Variants in PDCD6 observed in about 807,000 individuals in gnomAD.
PDCD6 encodes the protein programmed cell death 6.
In PDCD6, 12 loss-of-function variants were observed where a neutral mutation model predicts 28.3. The ratio of observed to expected loss-of-function variants is 0.42; its 90% CI spans 0.27 to 0.69. The LOEUF (loss-of-function observed/expected upper bound fraction) is 0.69. PDCD6 is among the 30% of genes least tolerant of loss of function. PDCD6 has a pLI of 0.22. For missense variants in PDCD6, 226 were observed against 269.9 expected, an observed-to-expected ratio of 0.84 and a Z score of 1.14; for synonymous variants, 92 against 108.0, an observed-to-expected ratio of 0.85 and a Z score of 0.92.
chr5:292,963 C>T (rs1421513148), intron 2 of PDCD6, among the ~76,000 whole-genome samples: 1 of 152,246 alleles, frequency 6.6e-6, no homozygotes, highest in Non-Finnish European at 1.5e-5. Context: ...GGCTCCCACA[C>T]AGCTGGGCGG....
At chr5:297,666 T>A (rs1222045593) in intron 2 of PDCD6, among the ~76,000 whole-genome samples, 3 of 152,132 alleles carry the variant, frequency 2.0e-5, no homozygotes, top group African/African-American at 7.2e-5. Context: ...GCACGAGATC[T>A]TCCCTCTCAG....
rs183444121 is a variant in PDCD6, at chr5:274,747, C to T, written c.163+1975C>T. Among the ~76,000 whole-genome samples the T allele has an allele frequency of 4.5e-4, 69 of 152,320 alleles. No homozygotes were observed. In the East Asian group the frequency reaches 0.012, roughly 26 times the overall value. On this transcript the variant is annotated intron_variant, in intron 2 of 5. Transcript: ENST00000264933. ...GGGGGTGGGGGAGACACCTCCTGCT[C>T]TGACTTGTGTGTTTGGGTTCCTGTA...
Position 271,663 on chromosome 5 carries a change from C to G in PDCD6, c.-58C>G, listed in dbSNP as rs1190770970. The G allele has an allele frequency of 1.0e-6, 1 of 992,612 alleles. No individual in the cohort carries two copies. The highest frequency in any genetic ancestry group is 1.5e-6 in the Non-Finnish European group (1 of 654,118). The allele number at this position is 992,612 out of a possible 1,614,324, so 61.5% of individuals were successfully genotyped here. A position where few individuals can be genotyped will look rare whatever the true frequency, so the allele number is the denominator to read the frequency against. On this transcript the variant is annotated 5_prime_UTR_variant, in exon 1 of 6. Transcript: ENST00000264933. ...CCCCCGGCAGAGGCGGAAGCGGAGT[C>G]GGCCTGAGAGGTCTCTCGTCGCTGC... is the stretch of plus-strand genomic sequence containing the variant.
chr5:276,084 A>T (rs1375263529), intron 2 of PDCD6: 12 of 1,130,498 alleles, frequency 1.1e-5, no homozygotes, highest in Non-Finnish European at 1.4e-5. Flanking sequence ...CAAAAAGTAA[A>T]TGAGTGTAGT....
intron 2 of PDCD6, among the ~76,000 whole-genome samples, chr5:283,503 G>A (rs558501463): frequency 2.4e-4 from 34 of 140,834 alleles, no homozygotes; most frequent in South Asian, 6.7e-4. Flanking sequence ...CTACAGACCC[G>A]TAGAGGAGCT....
intron 2 of PDCD6, among the ~76,000 whole-genome samples, chr5:301,562 A>G (rs1170910716): frequency 1.3e-5 from 2 of 152,266 alleles, no homozygotes; most frequent in African/African-American, 2.4e-5. Context: ...TTATCACTCT[A>G]TTCAGCTTAA....
At chr5:300,316 A>G (rs1195765801) in intron 2 of PDCD6, among the ~76,000 whole-genome samples, 1 of 152,192 alleles carries the variant, frequency 6.6e-6, no homozygotes, top group Non-Finnish European at 1.5e-5. Context: ...GGTCCGCACC[A>G]CGGCACTAGC....
chr5:272,820 C>T (rs1286566016), intron 2 of PDCD6, 48 bp downstream of exon 2: 1 of 1,555,090 alleles, frequency 6.4e-7, no homozygotes, highest in East Asian at 2.2e-5. Context: ...AAGCCGCGAG[C>T]CTGCCCTGTT....
intron 2 of PDCD6, chr5:289,072 C>G (rs1427261603): frequency 4.7e-6 from 6 of 1,285,422 alleles, no homozygotes; most frequent in South Asian, 1.2e-5. Flanking sequence ...TCAAAAGTCT[C>G]TTCATTCACA....
chr5:303,634 C>T (rs1439543247), intron 2 of PDCD6, among the ~76,000 whole-genome samples: 6 of 151,618 alleles, frequency 4.0e-5, no homozygotes, highest in African/African-American at 4.9e-5. Context: ...ATGTCTTCAC[C>T]GTGCTTTAGG....
chr5:306,570 T>C, intron 3 of PDCD6, 32 bp from the exon 4 acceptor site: 4 of 1,607,478 alleles, frequency 2.5e-6, no homozygotes, highest in Non-Finnish European at 3.4e-6. Flanking sequence ...GCAACTGATC[T>C]TTTGCTGCTT....
In PDCD6 at chr5:314,458, CGGCT is replaced by C. The variant is rs1341232158; in HGVS notation, c.522_525del (p.Trp175PhefsTer22). ...TCAGACGTTACGACACGGATCAGGA[CGGCT>C]GGATTCAGGTGTCGTACGAACAGTA... On this transcript the variant is annotated frameshift_variant, in exon 6 of 6. Transcript: ENST00000264933. The C allele has an allele frequency of 1.2e-6, 2 of 1,613,718 alleles. No individual in the cohort carries two copies. Among genetic ancestry groups the C allele is most frequent in the Admixed American group, 3.3e-5 (2 of 60,004 alleles).
chr5:290,017 C>G, intron 2 of PDCD6: 1 of 1,599,400 alleles, frequency 6.3e-7, no homozygotes, highest in Non-Finnish European at 8.6e-7. Context: ...TTCACATAGT[C>G]GCTGAATAGT....
Position 314,608 on chromosome 5 carries a change from T to G in PDCD6, c.*93T>G. On this transcript the variant is annotated 3_prime_UTR_variant, in exon 6 of 6. Transcript: ENST00000264933. The stretch of plus-strand genomic sequence containing the variant: ...GGAATGGAGCACAGGTGCAGTTAGA[T>G]GCTGTTCTTCCTTTAGATTTTGTCA... The G allele has an allele frequency of 1.1e-6, 1 of 886,676 alleles. No homozygotes were observed. The highest frequency in any genetic ancestry group is 2.1e-4 in the Middle Eastern group (1 of 4,674). 54.9% of individuals were successfully genotyped at this position (886,676 alleles called of 1,614,324 possible).
chr5:302,472 G>A (rs1317225056), intron 2 of PDCD6, among the ~76,000 whole-genome samples: 2 of 109,438 alleles, frequency 1.8e-5, no homozygotes, highest in East Asian at 2.3e-4. Flanking sequence ...GCTGGAGGGC[G>A]GGTCATGGAG....
At chr5:282,856 T>A (rs1272633735) in intron 2 of PDCD6, among the ~76,000 whole-genome samples, 1 of 151,950 alleles carries the variant, frequency 6.6e-6, no homozygotes, top group East Asian at 1.9e-4. Context: ...AGAGCTGATC[T>A]TCTAGTTTGA....
At position 306,603 on chromosome 5, in the gene PDCD6, C is replaced by T. The variant is rs538144297; in HGVS notation, c.210C>T (p.Ser70=). Residue 70 remains serine (S), a splice_region_variant and synonymous_variant, in exon 4 of 6, where the codon TCC becomes TCT. Transcript: ENST00000264933. The stretch of plus-strand genomic sequence containing the variant: ...CTTGACCGTTCCTCTCTGTCTCAGC[C>T]ATGTTTGACCGTGAGAACAAGGCCG... The part of the protein sequence containing the change: ...FNPVTVRSII[S]MFDRENKAGV... 6.2e-7 allele frequency: 1 copy of T among 1,613,392 alleles called. No homozygotes were observed. Among genetic ancestry groups the T allele is most frequent in the South Asian group, 1.1e-5 (1 of 91,070 alleles).
At chr5:275,197 G>GA (rs1267718168) in intron 2 of PDCD6, among the ~76,000 whole-genome samples, 1 of 152,198 alleles carries the variant, frequency 6.6e-6, no homozygotes, top group African/African-American at 2.4e-5. Context: ...GAGGCAGGGG[G>GA]ATCCCTTGAG....
At position 307,535 on chromosome 5, in the gene PDCD6, G is replaced by A. The variant is rs1019166437; in HGVS notation, c.367+775G>A. ...AGTGCGTCCATAGGGCCTGTCCACG[G>A]GGCTTCCCGTGCTGCTCTCAGGGCT... On this transcript the variant is annotated intron_variant, in intron 4 of 5. Coordinates refer to ENST00000264933, the MANE Select transcript of PDCD6 (RefSeq NM_013232.4). This position sits in a 1 kb window ranked among gnomAD's most constrained non-coding sequence, Gnocchi z 6.1. 2.0e-5 allele frequency among the ~76,000 whole-genome samples: 3 copies of A among 152,160 alleles called. No individual in the cohort carries two copies. Among genetic ancestry groups the A allele is most frequent in the African/African-American group, 7.2e-5 (3 of 41,448 alleles).
Sources: gnomAD v4.1 joint callset for allele counts (sites outside exome capture counted in the v4.1 genomes callset) on GRCh38, gnomAD v4.1.1 for gene constraint, Gnocchi (gnomAD v3.1) non-coding constraint, MANE v1.5 for transcripts, NCBI Gene and HGNC (gene_info 2026-07-23, HGNC 2026-07-21) for gene names.